Variants in NOVA1 observed in about 807,000 individuals in gnomAD.
The protein encoded by NOVA1 is RNA-binding protein Nova-1.
A neutral mutation model predicts 38.0 loss-of-function variants in NOVA1; 7 were observed. That is an observed-to-expected ratio of 0.18 (90% CI 0.10 to 0.35). The LOEUF (loss-of-function observed/expected upper bound fraction) is 0.35, where lower values mean the gene tolerates loss of function less well. Ranked by LOEUF, NOVA1 falls within the 10% of genes least tolerant of loss-of-function variation. The pLI, the probability that NOVA1 is intolerant of heterozygous loss-of-function variation, is 1.00. For synonymous variants in NOVA1, 270 were observed against 232.5 expected, an observed-to-expected ratio of 1.16 and a Z score of -1.47; for missense variants, 460 against 616.0, an observed-to-expected ratio of 0.75 and a Z score of 2.68.
chr14:26,494,882 T>C (rs1355201311), intron 2 of NOVA1, among the ~76,000 whole-genome samples: 1 of 152,208 alleles, frequency 6.6e-6, no homozygotes, highest in Non-Finnish European at 1.5e-5. Context: ...TTTGAACCTG[T>C]AAATATTATG....
chr14:26,457,493 C>T (rs1374445253), intron 4 of NOVA1, among the ~76,000 whole-genome samples: 6 of 152,070 alleles, frequency 3.9e-5, no homozygotes, highest in Non-Finnish European at 5.9e-5. Context: ...GACATTGTAA[C>T]CGTTGTTAAT....
In NOVA1 at chr14:26,446,209, A is replaced by G. The variant is rs1216583862; in HGVS notation, c.*1750T>C. The G allele has an allele frequency of 6.6e-6, 1 of 152,636 alleles. No homozygotes were observed. Among genetic ancestry groups the G allele is most frequent in the Non-Finnish European group, 1.5e-5 (1 of 68,040 alleles). 9.5% of individuals were successfully genotyped at this position (152,636 alleles called of 1,614,324 possible). ...ACAGTTTGACAGAAATGAATTATTA[A>G]TAGTGGAAGGGGAAGGGATCAGGAA... is the stretch of plus-strand genomic sequence containing the variant. On this transcript the variant is annotated 3_prime_UTR_variant, in exon 5 of 5. Transcript: ENST00000539517.
chr14:26,582,845 TAGC>T (rs1050138517), intron 2 of NOVA1, among the ~76,000 whole-genome samples: 2 of 151,866 alleles, frequency 1.3e-5, no homozygotes, highest in Admixed American at 6.6e-5. Flanking sequence ...ATCATAAAAG[TAGC>T]AGCCTTCCAC....
chr14:26,535,168 A>T (rs1168019950), intron 2 of NOVA1, among the ~76,000 whole-genome samples: 1 of 152,190 alleles, frequency 6.6e-6, no homozygotes, highest in Non-Finnish European at 1.5e-5. Flanking sequence ...GAAATAAACA[A>T]CTAGTAATTG....
intron 2 of NOVA1, among the ~76,000 whole-genome samples, chr14:26,553,027 A>G (rs1182689140): frequency 1.3e-5 from 2 of 152,190 alleles, no homozygotes; most frequent in African/African-American, 4.8e-5. Flanking sequence ...TGTTTTAGAA[A>G]GCCATTACAG....
At chr14:26,568,647 AT>A (rs1892280548) in intron 2 of NOVA1, among the ~76,000 whole-genome samples, 4 of 152,120 alleles carry the variant, frequency 2.6e-5, no homozygotes, top group Admixed American at 2.0e-4. Flanking sequence ...TAAAACCTAA[AT>A]AAATGCAGGA....
Position 26,480,115 on chromosome 14 carries a change from C to T in NOVA1, c.309G>A (p.Gln103=), listed in dbSNP as rs1885337630. ...CTGCATTCAGTGCTTCAACCGTTCC[C>T]TGGATCAAGCACACTCGCTCAGTAG... ...PGTTERVCLI[Q]GTVEALNAVH... is the part of the protein sequence containing the mutation. The change falls in exon 3 of 5, where the codon CAG becomes CAA. Residue 103 remains glutamine (Q), a synonymous_variant. Coordinates refer to ENST00000539517, the MANE Select transcript of NOVA1 (RefSeq NM_002515.3). 2 of 1,613,714 alleles carry T rather than the reference C, an allele frequency of 1.2e-6. No homozygotes were observed. The highest frequency in any genetic ancestry group is 2.2e-5 in the East Asian group (1 of 44,856).
At chr14:26,580,171 A>C (rs1473497444) in intron 2 of NOVA1, among the ~76,000 whole-genome samples, 1 of 152,020 alleles carries the variant, frequency 6.6e-6, no homozygotes, top group Non-Finnish European at 1.5e-5. Flanking sequence ...TATGACTTTC[A>C]TTTTTGCTAG....
intron 2 of NOVA1, among the ~76,000 whole-genome samples, chr14:26,511,581 G>A (rs1236184171): frequency 4.6e-5 from 7 of 151,902 alleles, no homozygotes; most frequent in Non-Finnish European, 1.0e-4. Flanking sequence ...GTGAAACCCT[G>A]TCTCTACTAA....
At chr14:26,479,604 A>C (rs1885269724) in intron 3 of NOVA1, 2 of 210,096 alleles carry the variant, frequency 9.5e-6, no homozygotes, top group African/African-American at 4.6e-5. Context: ...AATATCACTA[A>C]AAATAGGGTA....
At chr14:26,462,709 C>T (rs1298920692) in intron 4 of NOVA1, among the ~76,000 whole-genome samples, 1 of 152,156 alleles carries the variant, frequency 6.6e-6, no homozygotes, top group Non-Finnish European at 1.5e-5. Flanking sequence ...TGAAGCCTCT[C>T]CCCAGTGAGT....
chr14:26,542,761 G>C (rs1257114542), intron 2 of NOVA1, among the ~76,000 whole-genome samples: 1 of 150,314 alleles, frequency 6.7e-6, no homozygotes, highest in Non-Finnish European at 1.5e-5. Context: ...AGTAGTAATG[G>C]GGTGACAGAT....
intron 2 of NOVA1, among the ~76,000 whole-genome samples, chr14:26,497,919 G>T (rs566232023): frequency 2.0e-5 from 3 of 152,130 alleles, no homozygotes; most frequent in South Asian, 4.1e-4. Flanking sequence ...GTTAAGAAAA[G>T]AAATAAATAT....
chr14:26,482,459 G>A (rs1314257423), intron 2 of NOVA1, among the ~76,000 whole-genome samples: 1 of 151,990 alleles, frequency 6.6e-6, no homozygotes, highest in African/African-American at 2.4e-5. Context: ...GAGACTGTCA[G>A]GTGTATGATC....
At chr14:26,469,250 T>C (rs887196261) in intron 4 of NOVA1, among the ~76,000 whole-genome samples, 3 of 152,154 alleles carry the variant, frequency 2.0e-5, no homozygotes, top group African/African-American at 7.2e-5. Context: ...AGCAATTTTA[T>C]GTATTTTTAG....
At chr14:26,590,528 T>C (rs1485448524) in intron 2 of NOVA1, among the ~76,000 whole-genome samples, 1 of 151,828 alleles carries the variant, frequency 6.6e-6, no homozygotes, top group African/African-American at 2.4e-5. Context: ...CAGTTAATAA[T>C]TTTTTAAAAA....
At chr14:26,451,151 T>C (rs1004976625) in intron 4 of NOVA1, among the ~76,000 whole-genome samples, 3 of 152,130 alleles carry the variant, frequency 2.0e-5, no homozygotes, top group Admixed American at 2.0e-4. Context: ...CTATGAAATG[T>C]GTGAAGATAT....
chr14:26,529,410 T>C (rs1322567945), intron 2 of NOVA1, among the ~76,000 whole-genome samples: 1 of 152,124 alleles, frequency 6.6e-6, no homozygotes, highest in African/African-American at 2.4e-5. Flanking sequence ...AGTGCTGGGA[T>C]TACAGGCATG....
At chr14:26,560,400 T>A (rs2138679372) in intron 2 of NOVA1, among the ~76,000 whole-genome samples, 1 of 152,142 alleles carries the variant, frequency 6.6e-6, no homozygotes, top group East Asian at 1.9e-4. Context: ...TGTTCTATAA[T>A]TTCCTGAGGC....
Sources: allele counts gnomAD v4.1 joint callset (sites outside exome capture counted in the v4.1 genomes callset), GRCh38; gene constraint gnomAD v4.1.1; transcripts MANE v1.5; gene names NCBI Gene and HGNC (gene_info 2026-07-23, HGNC 2026-07-21).